LHPP: variants seen among roughly 807,000 people sequenced by gnomAD.
The protein encoded by LHPP is hLHPP.
Under a neutral mutation model 30.3 loss-of-function variants are expected in LHPP, and 24 were observed. The ratio of observed to expected loss-of-function variants is 0.79; its 90% confidence interval spans 0.57 to 1.11. The LOEUF is 1.11. Among genes scored for constraint, LHPP ranks in the 50% most tolerant of loss-of-function variants. LHPP has a pLI of 0.00. For synonymous variants in LHPP, 150 were observed against 157.1 expected (o/e 0.95, Z 0.34); for missense variants, 356 against 367.2 (o/e 0.97, Z 0.25).
Position 124,596,373 on chromosome 10 carries a change from C to A in LHPP, c.717-16891C>A, listed in dbSNP as rs963734701. Among the ~76,000 whole-genome samples, 1 of 152,190 alleles carries A rather than the reference C, an allele frequency of 6.6e-6. No homozygotes were observed. The highest frequency in any genetic ancestry group is 2.4e-5 in the African/African-American group (1 of 41,430). ...TGTACCATGTTGCGCTCCCGCCAGCCTCGCTGAGTTCCCATAGCACCATGT... is the reference window on the plus strand; with the variant it reads ...TGTACCATGTTGCGCTCCCGCCAGCATCGCTGAGTTCCCATAGCACCATGT... On this transcript the variant is annotated intron_variant, in intron 6 of 6. Transcript: ENST00000368842. The surrounding 1 kb of genome is among the most constrained non-coding windows in gnomAD (Gnocchi z 4.6).
At chr10:124,552,026 T>G (rs1215134101) in intron 6 of LHPP, among the ~76,000 whole-genome samples, 1 of 152,090 alleles carries the variant, frequency 6.6e-6, no homozygotes, top group Non-Finnish European at 1.5e-5. Flanking sequence ...CTGTCACCTG[T>G]CTGTCTTCCA....
chr10:124,594,848 C>T (rs1452462594), intron 6 of LHPP, among the ~76,000 whole-genome samples: 1 of 152,134 alleles, frequency 6.6e-6, no homozygotes, highest in Non-Finnish European at 1.5e-5. Context: ...CCAGGCTGGT[C>T]TTGAATGCCT....
intron 3 of LHPP, chr10:124,490,245 C>T (rs1953479743): frequency 5.5e-6 from 1 of 182,438 alleles, no homozygotes; most frequent in Non-Finnish European, 1.1e-5. Context: ...TCTTGCAGGT[C>T]GGTCACGCTC....
chr10:124,518,765 A>G (rs1003688531), intron 6 of LHPP, among the ~76,000 whole-genome samples: 2 of 152,160 alleles, frequency 1.3e-5, no homozygotes, highest in East Asian at 1.9e-4. Flanking sequence ...GGGCCTCTGA[A>G]GAAGGCCCCC....
In LHPP at chr10:124,596,422, G is replaced by A. The variant is rs537446799; in HGVS notation, c.717-16842G>A. Among the ~76,000 whole-genome samples the A allele has an allele frequency of 3.3e-5, 5 of 152,262 alleles. No individual in the cohort carries two copies. The highest frequency in any genetic ancestry group is 3.9e-4 in the East Asian group (2 of 5,186). On this transcript the variant is annotated intron_variant, in intron 6 of 6. Coordinates refer to ENST00000368842, the MANE Select transcript of LHPP (RefSeq NM_022126.4). This position sits in a 1 kb window ranked among gnomAD's most constrained non-coding sequence, Gnocchi z 4.6. ...GTCTTCTGCAGCACACGATGTGGCCGGACCTCTCCACGCTGGCCATTCAGG... is the reference window on the plus strand; with the variant it reads ...GTCTTCTGCAGCACACGATGTGGCCAGACCTCTCCACGCTGGCCATTCAGG...
intron 3 of LHPP, among the ~76,000 whole-genome samples, chr10:124,495,656 G>C (rs1953682042): frequency 6.6e-6 from 1 of 152,150 alleles, no homozygotes; most frequent in Non-Finnish European, 1.5e-5. Context: ...ACCCCAGGTG[G>C]TCACAGAACA....
At position 124,541,588 on chromosome 10, in the gene LHPP, C is replaced by G. The variant is rs1228774152; in HGVS notation, c.716+24317C>G. The stretch of plus-strand genomic sequence containing the variant: ...AAAGTCTCATGCCTGTCTGCAGGAC[C>G]CCCGCGTGAGCCTGGGACCACCCGT... On this transcript the variant is annotated intron_variant, in intron 6 of 6. Coordinates refer to ENST00000368842, the MANE Select transcript of LHPP (RefSeq NM_022126.4). The surrounding 1 kb of genome is among the most constrained non-coding windows in gnomAD (Gnocchi z 4.2). 2.6e-5 allele frequency among the ~76,000 whole-genome samples: 4 copies of G among 152,058 alleles called. No individual in the cohort carries two copies. Among genetic ancestry groups the G allele is most frequent in the African/African-American group, 4.8e-5 (2 of 41,402 alleles).
chr10:124,591,677 TC>T (rs1345564062), intron 6 of LHPP, among the ~76,000 whole-genome samples: 4 of 151,994 alleles, frequency 2.6e-5, no homozygotes, highest in African/African-American at 9.7e-5. Context: ...GCTTCAGTGA[TC>T]AATTTCAGAT....
chr10:124,504,902 G>T (rs1954018395), intron 5 of LHPP, among the ~76,000 whole-genome samples: 1 of 152,196 alleles, frequency 6.6e-6, no homozygotes, highest in Non-Finnish European at 1.5e-5. Flanking sequence ...CAGTGCGTCT[G>T]GGAGGGAGCG....
chr10:124,566,933 C>T (rs112846419), intron 6 of LHPP, among the ~76,000 whole-genome samples: 45 of 152,344 alleles, frequency 3.0e-4, no homozygotes, highest in African/African-American at 1.0e-3. Flanking sequence ...GAAATGGTCC[C>T]TCAGGAGCCC....
At chr10:124,521,098 A>T (rs934384204) in intron 6 of LHPP, among the ~76,000 whole-genome samples, 3 of 152,036 alleles carry the variant, frequency 2.0e-5, no homozygotes, top group African/African-American at 7.3e-5. Flanking sequence ...TGGTACACAG[A>T]TACACTGAAA....
chr10:124,484,273 C>T lies in LHPP; in HGVS notation c.260C>T (p.Ala87Val). 1 of 1,614,000 alleles carries T rather than the reference C, an allele frequency of 6.2e-7. No homozygotes were observed. Among genetic ancestry groups the T allele is most frequent in the Non-Finnish European group, 8.5e-7 (1 of 1,179,994 alleles). The change falls in exon 2 of 7, where the codon GCC (alanine) becomes GTC (valine). Residue 87 changes from alanine to valine, a missense_variant. Transcript: ENST00000368842. ...EQEVTAPAPA[A>V]CQILKEQGLR... The stretch of plus-strand genomic sequence containing the variant: ...GAGGTGACCGCCCCGGCACCAGCTG[C>T]CTGCCAGATCCTGAAGGAGCAAGGC...
chr10:124,552,837 C>T (rs186903880), intron 6 of LHPP, among the ~76,000 whole-genome samples: 49 of 152,318 alleles, frequency 3.2e-4, no homozygotes, highest in African/African-American at 1.1e-3. Flanking sequence ...ATATGCTATA[C>T]GTTTGGGGTT....
intron 6 of LHPP, among the ~76,000 whole-genome samples, chr10:124,526,447 G>A (rs1954738566): frequency 6.6e-6 from 1 of 152,164 alleles, no homozygotes; most frequent in Admixed American, 6.5e-5. Context: ...GTCAGAATCG[G>A]GATTCGAACC....
At position 124,546,789 on chromosome 10, in the gene LHPP, A is replaced by AC. The variant is rs368977369; in HGVS notation, c.716+29520dup. Among the ~76,000 whole-genome samples, 488 of 152,172 alleles carry AC rather than the reference A, an allele frequency of 3.2e-3. 1 individual carries two copies. Among genetic ancestry groups the AC allele is most frequent in the African/African-American group, 0.01 (423 of 41,504 alleles). Reference sequence around the variant, plus strand: ...CCTCATCATCCGTGCTCCCCACCTCACCATGCATGCTTCGGTTGCTGTTTG... The same window carrying AC: ...CCTCATCATCCGTGCTCCCCACCTCACCCATGCATGCTTCGGTTGCTGTTTG... On this transcript the variant is annotated intron_variant, in intron 6 of 6. Transcript: ENST00000368842.
chr10:124,591,050 G>A (rs1739618737), intron 6 of LHPP, among the ~76,000 whole-genome samples: 1 of 152,132 alleles, frequency 6.6e-6, no homozygotes, highest in Non-Finnish European at 1.5e-5. Flanking sequence ...GTGCAGAGCA[G>A]CCCTCTGAGG....
chr10:124,464,132 A>G (rs977494894), intron 1 of LHPP, among the ~76,000 whole-genome samples: 1 of 152,156 alleles, frequency 6.6e-6, no homozygotes, highest in Admixed American at 6.5e-5. Context: ...GGACACTTTC[A>G]GTAGCATGGT....
intron 6 of LHPP, among the ~76,000 whole-genome samples, chr10:124,533,648 G>A (rs1172981982): frequency 6.6e-6 from 1 of 152,196 alleles, no homozygotes; most frequent in African/African-American, 2.4e-5. Context: ...CCTTACCCCC[G>A]TGTGAGTGGA....
intron 6 of LHPP, among the ~76,000 whole-genome samples, chr10:124,569,175 T>G (rs1341909651): frequency 6.6e-6 from 1 of 152,200 alleles, no homozygotes; most frequent in Admixed American, 6.5e-5. Context: ...CTGTCTTTCT[T>G]CTGCCCAGAG....
Sources: allele counts gnomAD v4.1 joint callset (sites outside exome capture counted in the v4.1 genomes callset), GRCh38; gene constraint gnomAD v4.1.1; non-coding constraint Gnocchi (gnomAD v3.1); transcripts MANE v1.5; gene names NCBI Gene and HGNC (gene_info 2026-07-23, HGNC 2026-07-21).